Variants in PACRG observed in about 807,000 individuals in gnomAD.
The protein encoded by PACRG is parkin coregulated, also known as parkin coregulated gene protein.
A neutral mutation model predicts 29.7 loss-of-function variants in PACRG; 29 were observed. That is an observed-to-expected ratio of 0.98 (90% confidence interval 0.73 to 1.33). The LOEUF (loss-of-function observed/expected upper bound fraction) is 1.33. Ranked by LOEUF, PACRG falls within the 40% of genes most tolerant of loss-of-function variation. The pLI is 0.00. For missense variants in PACRG, 279 were observed against 316.2 expected (o/e 0.88, Z 0.89); for synonymous variants, 116 against 118.7 (o/e 0.98, Z 0.15).
chr6:162,959,696 A>G (rs2128142288), intron 2 of PACRG, among the ~76,000 whole-genome samples: 1 of 152,266 alleles, frequency 6.6e-6, no homozygotes, highest in African/African-American at 2.4e-5. Context: ...TGTAGGAAAA[A>G]GGAGGCCATT....
At chr6:163,271,611 T>C (rs1184806256) in intron 4 of PACRG, among the ~76,000 whole-genome samples, 1 of 152,226 alleles carries the variant, frequency 6.6e-6, no homozygotes, top group East Asian at 1.9e-4. Flanking sequence ...AAATAGTTCA[T>C]GTTTTACCTA....
intron 2 of PACRG, among the ~76,000 whole-genome samples, chr6:162,821,875 A>T (rs750811296): frequency 6.6e-5 from 10 of 152,234 alleles, no homozygotes; most frequent in Admixed American, 1.3e-4. Context: ...CCTTTGACAG[A>T]TGACAAATGG....
intron 4 of PACRG, among the ~76,000 whole-genome samples, chr6:163,204,861 T>G (rs934786171): frequency 6.6e-6 from 1 of 152,176 alleles, no homozygotes; most frequent in African/African-American, 2.4e-5. Context: ...GATAAGCAAC[T>G]TTAGCAAAGT....
intron 2 of PACRG, among the ~76,000 whole-genome samples, chr6:162,930,735 G>A (rs911011490): frequency 2.0e-5 from 3 of 151,856 alleles, no homozygotes; most frequent in South Asian, 4.2e-4. Context: ...TCTTTCATAT[G>A]TGGCCTTTGT....
chr6:162,832,813 CTTTT>C (rs11310965), intron 2 of PACRG, among the ~76,000 whole-genome samples: 1 of 144,298 alleles, frequency 6.9e-6, no homozygotes, highest in Non-Finnish European at 1.5e-5. Flanking sequence ...TAAAAGCAGT[CTTTT>C]TTTTTTTTTC....
At chr6:162,886,792 A>G (rs997041276) in intron 2 of PACRG, among the ~76,000 whole-genome samples, 2 of 152,206 alleles carry the variant, frequency 1.3e-5, no homozygotes, top group Non-Finnish European at 2.9e-5. Flanking sequence ...CCTGGAGGAA[A>G]ACATGCAGGA....
chr6:162,830,092 T>C lies in PACRG; in HGVS notation c.291+15811T>C, dbSNP rs146272185. On this transcript the variant is annotated intron_variant, in intron 2 of 4. Transcript: ENST00000366888. ...TGAGGGATTTAATATTGTTTGGGTA[T>C]TTTTTTCTCTTCTCTCACCCTCTTG... Among the ~76,000 whole-genome samples, 537 of 152,174 alleles carry C rather than the reference T, an allele frequency of 3.5e-3. 3 individuals carry two copies. The highest frequency in any genetic ancestry group is 0.012 in the African/African-American group (498 of 41,522).
intron 2 of PACRG, among the ~76,000 whole-genome samples, chr6:162,882,366 C>A (rs1207843130): frequency 6.6e-6 from 1 of 150,984 alleles, no homozygotes; most frequent in South Asian, 2.1e-4. Flanking sequence ...TCCACCAATA[C>A]CAGAGACCTG....
At chr6:162,824,270 C>G (rs1164979129) in intron 2 of PACRG, among the ~76,000 whole-genome samples, 1 of 152,032 alleles carries the variant, frequency 6.6e-6, no homozygotes, top group African/African-American at 2.4e-5. Context: ...CCTAGTCCCT[C>G]CCGCCCCCAC....
chr6:163,211,755 T>A (rs181135144), intron 4 of PACRG, among the ~76,000 whole-genome samples: 1 of 152,292 alleles, frequency 6.6e-6, no homozygotes, highest in Non-Finnish European at 1.5e-5. Context: ...GGTTTTGCAC[T>A]CCTACCAAGT....
At chr6:163,183,971 T>C (rs1779795628) in intron 4 of PACRG, among the ~76,000 whole-genome samples, 1 of 152,240 alleles carries the variant, frequency 6.6e-6, no homozygotes, top group Admixed American at 6.5e-5. Context: ...GGTGTCTTAC[T>C]CACTGGAACA....
At chr6:162,940,341 T>C (rs1187591443) in intron 2 of PACRG, among the ~76,000 whole-genome samples, 1 of 152,072 alleles carries the variant, frequency 6.6e-6, no homozygotes, top group Non-Finnish European at 1.5e-5. Context: ...TGTTTCCTGC[T>C]CTTTATATCT....
intron 3 of PACRG, among the ~76,000 whole-genome samples, chr6:163,071,017 C>G (rs767917688): frequency 1.5e-4 from 23 of 152,128 alleles, no homozygotes; most frequent in Admixed American, 5.2e-4. Flanking sequence ...TATGTAAGCA[C>G]CCAATACTGG....
chr6:163,226,908 T>C (rs556588393), intron 4 of PACRG, among the ~76,000 whole-genome samples: 2 of 152,356 alleles, frequency 1.3e-5, no homozygotes, highest in South Asian at 2.1e-4. Flanking sequence ...CATGGTAAAC[T>C]GATCCTTTGT....
intron 4 of PACRG, among the ~76,000 whole-genome samples, chr6:163,304,397 TTTCA>T (rs1468405796): frequency 3.3e-5 from 5 of 152,236 alleles, no homozygotes; most frequent in African/African-American, 1.2e-4. Context: ...TTACTTATAC[TTTCA>T]TTCATTCAGT....
At chr6:162,733,123 TA>T (rs1779901113) in intron 1 of PACRG, among the ~76,000 whole-genome samples, 1 of 152,232 alleles carries the variant, frequency 6.6e-6, no homozygotes. Flanking sequence ...TTTTAAATGC[TA>T]GGAATTTAGC....
chr6:163,167,287 C>T (rs1226443788), intron 4 of PACRG, among the ~76,000 whole-genome samples: 1 of 152,112 alleles, frequency 6.6e-6, no homozygotes, highest in Non-Finnish European at 1.5e-5. Context: ...GATAAGCCCT[C>T]TTTGTAGTTT....
intron 2 of PACRG, among the ~76,000 whole-genome samples, chr6:162,818,763 C>T (rs1044265227): frequency 6.6e-6 from 1 of 152,112 alleles, no homozygotes; most frequent in Non-Finnish European, 1.5e-5. Context: ...TGCTACGTGA[C>T]AGAATATGAC....
At chr6:163,269,941 AAG>A (rs1326852994) in intron 4 of PACRG, among the ~76,000 whole-genome samples, 1 of 33,576 alleles carries the variant, frequency 3.0e-5, no homozygotes, top group Non-Finnish European at 5.7e-5. Context: ...CAAAGAAAGA[AAG>A]AAAGAAAGAA....
Sources: allele counts gnomAD v4.1 joint callset (sites outside exome capture counted in the v4.1 genomes callset), GRCh38; gene constraint gnomAD v4.1.1; transcripts MANE v1.5; gene names NCBI Gene and HGNC (gene_info 2026-07-23, HGNC 2026-07-21).